Variants in JAKMIP2 observed in about 807,000 individuals in gnomAD.
JAKMIP2 encodes janus kinase and microtubule-interacting protein 2.
Under a neutral mutation model 115.0 loss-of-function variants are expected in JAKMIP2, and 25 were observed. The observed-to-expected ratio is 0.22, with a 90% CI of 0.16 to 0.30. JAKMIP2 has a LOEUF of 0.30. JAKMIP2 is among the 10% of genes least tolerant of loss of function. The pLI, the probability that JAKMIP2 is intolerant of heterozygous loss-of-function variation, is 1.00. For synonymous variants in JAKMIP2, 334 were observed against 343.6 expected (o/e 0.97, Z 0.31); for missense variants, 642 against 957.6 (o/e 0.67, Z 4.35).
At chr5:147,715,614 C>T (rs574208747) in intron 1 of JAKMIP2, among the ~76,000 whole-genome samples, 3 of 151,472 alleles carry the variant, frequency 2.0e-5, no homozygotes, top group African/African-American at 7.3e-5. Flanking sequence ...GGAAGACATG[C>T]CAATTCTAAA....
chr5:147,651,401 G>A (rs1463269208), intron 3 of JAKMIP2, among the ~76,000 whole-genome samples: 1 of 152,100 alleles, frequency 6.6e-6, no homozygotes, highest in African/African-American at 2.4e-5. Flanking sequence ...CTAGGATGAG[G>A]GCTAATGAAG....
intron 2 of JAKMIP2, among the ~76,000 whole-genome samples, chr5:147,668,908 A>G (rs1054985190): frequency 2.6e-5 from 4 of 152,182 alleles, no homozygotes; most frequent in Non-Finnish European, 4.4e-5. Flanking sequence ...AGTTGTAGCT[A>G]TTTATATTAT....
intron 3 of JAKMIP2, among the ~76,000 whole-genome samples, chr5:147,659,716 C>T (rs555826423): frequency 2.0e-5 from 3 of 152,282 alleles, no homozygotes; most frequent in East Asian, 3.9e-4. Context: ...CAGTCACTGT[C>T]GTTTCAAAAA....
chr5:147,734,990 A>G (rs1285287020), intron 1 of JAKMIP2, among the ~76,000 whole-genome samples: 15 of 152,306 alleles, frequency 9.8e-5, no homozygotes. Context: ...GAAGCAGAGT[A>G]AATATCCTTT....
chr5:147,716,883 C>T (rs1459505520), intron 1 of JAKMIP2, among the ~76,000 whole-genome samples: 3 of 143,768 alleles, frequency 2.1e-5, no homozygotes, highest in Non-Finnish European at 3.1e-5. Flanking sequence ...GCTTTTGTTG[C>T]CATTGCTTTT....
chr5:147,749,790 G>A (rs78863448), intron 1 of JAKMIP2, among the ~76,000 whole-genome samples: 6,604 of 152,286 alleles, frequency 0.043, 208 homozygotes, highest in Middle Eastern at 0.14. Context: ...CTTGAGTCCA[G>A]TTCCTTTATG....
chr5:147,661,038 G>C lies in JAKMIP2; in HGVS notation c.537C>G (p.Ile179Met). ...GCTCACTCCGAAGGTCCCCAGCCTT[G>C]ATTTTATCTGCTTGGATCATATTGC... is the stretch of plus-strand genomic sequence containing the variant. ...ALSNMIQADK[I>M]KAGDLRSEHQ... Residue 179 changes from isoleucine (I) to methionine (M), a missense_variant, in exon 3 of 22, where the codon ATC becomes ATG. Ile to Met is a conservative substitution (Grantham distance 10). Around this residue, in one of 6 missense-constraint regions of JAKMIP2, gnomAD observed 439 missense variants for 570.9 expected, o/e 0.77. Coordinates refer to ENST00000616793, the MANE Select transcript of JAKMIP2 (RefSeq NM_001270941.2). The C allele has an allele frequency of 6.2e-7, 1 of 1,613,958 alleles. No homozygotes were observed. Among genetic ancestry groups the C allele is most frequent in the Non-Finnish European group, 8.5e-7 (1 of 1,179,998 alleles).
chr5:147,634,507 T>C lies in JAKMIP2; in HGVS notation c.1677+1715A>G, dbSNP rs538570197. Among the ~76,000 whole-genome samples the C allele has an allele frequency of 5.3e-5, 8 of 152,308 alleles. 2 individuals carry two copies. Among genetic ancestry groups the C allele is most frequent in the African/African-American group, 1.7e-4 (7 of 41,580 alleles). ...AGTTAACTTAACATTATAAAGGAGA[T>C]TCTACTTCCTAGAATCTTCTACTGA... On this transcript the variant is annotated intron_variant, in intron 12 of 21. Coordinates refer to ENST00000616793, the MANE Select transcript of JAKMIP2 (RefSeq NM_001270941.2).
intron 18 of JAKMIP2, among the ~76,000 whole-genome samples, chr5:147,619,581 T>C (rs1042206251): frequency 3.9e-5 from 6 of 152,214 alleles, no homozygotes; most frequent in Admixed American, 3.3e-4. Context: ...TCTTTTTCTT[T>C]TGATTCATAA....
intron 7 of JAKMIP2, among the ~76,000 whole-genome samples, chr5:147,643,237 A>G (rs1053944580): frequency 2.0e-5 from 3 of 152,174 alleles, no homozygotes; most frequent in Non-Finnish European, 4.4e-5. Flanking sequence ...GTCAACATAG[A>G]AATTTTAAAA....
At chr5:147,629,211 CCAATCACATAGTATCA>C (rs1757249106) in intron 15 of JAKMIP2, among the ~76,000 whole-genome samples, 1 of 152,134 alleles carries the variant, frequency 6.6e-6, no homozygotes, top group South Asian at 2.1e-4. Context: ...CCTACAAGCA[CCAATCACATAGTATCA>C]CAATAAATGG....
chr5:147,598,425 C>CATCTATCTATCTATCT lies in JAKMIP2; in HGVS notation c.*20+3300_*20+3315dup, dbSNP rs71001444. ...CTCTTAATAAAGCCGCTCTCATTTT[C>CATCTATCTATCTATCT]ATCTATCTATCTATCTATCTATCTA... On this transcript the variant is annotated intron_variant, in intron 21 of 21. Transcript: ENST00000616793. Among the ~76,000 whole-genome samples the CATCTATCTATCTATCT allele has an allele frequency of 6.6e-3, 980 of 148,444 alleles. 9 individuals are homozygous for CATCTATCTATCTATCT. The highest frequency in any genetic ancestry group is 0.02 in the East Asian group (100 of 4,978).
At chr5:147,737,931 A>G (rs1202833970) in intron 1 of JAKMIP2, among the ~76,000 whole-genome samples, 1 of 152,190 alleles carries the variant, frequency 6.6e-6, no homozygotes, top group African/African-American at 2.4e-5. Flanking sequence ...AAAAGCCCAG[A>G]ATCAGATATT....
chr5:147,700,554 T>C (rs71580449), intron 1 of JAKMIP2, among the ~76,000 whole-genome samples: 9,789 of 152,238 alleles, frequency 0.064, 408 homozygotes, highest in Non-Finnish European at 0.093. Context: ...ATACTAATAT[T>C]TGAGGAGATA....
intron 1 of JAKMIP2, among the ~76,000 whole-genome samples, chr5:147,683,808 T>C (rs999602389): frequency 2.0e-5 from 3 of 152,154 alleles, no homozygotes; most frequent in Admixed American, 2.0e-4. Context: ...ACAATTTCAA[T>C]ATAAAGATGT....
At chr5:147,772,786 G>A (rs1292460501) in intron 1 of JAKMIP2, among the ~76,000 whole-genome samples, 1 of 151,822 alleles carries the variant, frequency 6.6e-6, no homozygotes, top group Non-Finnish European at 1.5e-5. Context: ...TAAAAAAATC[G>A]CTAATTGAAT....
intron 12 of JAKMIP2, among the ~76,000 whole-genome samples, chr5:147,634,063 C>T (rs1757494767): frequency 6.6e-6 from 1 of 152,174 alleles, no homozygotes; most frequent in Non-Finnish European, 1.5e-5. Context: ...TTGATATTAG[C>T]TGTATAGGTG....
chr5:147,615,865 A>C (rs1284267617), intron 19 of JAKMIP2, among the ~76,000 whole-genome samples: 1 of 152,154 alleles, frequency 6.6e-6, no homozygotes, highest in African/African-American at 2.4e-5. Flanking sequence ...TCAGATTCAC[A>C]CAGAGAACAT....
chr5:147,751,242 G>C (rs1183848511), intron 1 of JAKMIP2, among the ~76,000 whole-genome samples: 1 of 141,888 alleles, frequency 7.0e-6, no homozygotes, highest in East Asian at 2.2e-4. Flanking sequence ...CGGCTAAGTT[G>C]TTTTTTTGTT....
Sources: allele counts gnomAD v4.1 joint callset (sites outside exome capture counted in the v4.1 genomes callset), GRCh38; gene constraint gnomAD v4.1.1; regional missense constraint gnomAD v4.1.1; transcripts MANE v1.5; gene names NCBI Gene and HGNC (gene_info 2026-07-23, HGNC 2026-07-21).